Variants in RUFY3 observed in about 807,000 individuals in gnomAD.
The protein encoded by RUFY3 is RUN and FYVE domain containing 3, also known as protein RUFY3.
Under a neutral mutation model 84.0 loss-of-function variants are expected in RUFY3, and 34 were observed. The observed-to-expected ratio is 0.40, with a 90% CI of 0.31 to 0.54. The LOEUF (loss-of-function observed/expected upper bound fraction) is 0.54, where lower values mean the gene tolerates loss of function less well. Among genes scored for constraint, RUFY3 ranks in the 20% least tolerant of loss-of-function variants. The probability of loss-of-function intolerance (pLI) is 0.39; values close to 1 mark genes in which losing one functional copy is unlikely to be tolerated. For missense variants in RUFY3, 507 were observed against 736.8 expected, an observed-to-expected ratio of 0.69 and a Z score of 3.61; for synonymous variants, 242 against 252.9, an observed-to-expected ratio of 0.96 and a Z score of 0.41.
chr4:70,775,946 A>AC (rs1727882338), intron 7 of RUFY3, among the ~76,000 whole-genome samples: 1 of 137,958 alleles, frequency 7.2e-6, no homozygotes, highest in Admixed American at 7.3e-5. Flanking sequence ...GTCTTAAACA[A>AC]AAAAAAAAAA....
intron 1 of RUFY3, among the ~76,000 whole-genome samples, chr4:70,713,208 A>G (rs1741184612): frequency 6.6e-6 from 1 of 152,122 alleles, no homozygotes; most frequent in African/African-American, 2.4e-5. Context: ...ATTTTAGTAG[A>G]GACGGGGTTT....
intron 1 of RUFY3, among the ~76,000 whole-genome samples, chr4:70,710,032 G>A (rs966378336): frequency 5.9e-5 from 9 of 152,210 alleles, no homozygotes; most frequent in Admixed American, 3.3e-4. Flanking sequence ...ACTTAACAGC[G>A]AGTGCCATGA....
Position 70,759,203 on chromosome 4 carries a change from C to G in RUFY3, c.179-3316C>G, listed in dbSNP as rs114295708. On this transcript the variant is annotated intron_variant, in intron 1 of 17. Coordinates refer to ENST00000381006, the MANE Select transcript of RUFY3 (RefSeq NM_001037442.4). The stretch of plus-strand genomic sequence containing the variant: ...CTAATAATCACAATTCTACTCTCTA[C>G]TTCTATGAGCTCAACTTTTTTAGCT... Among the ~76,000 whole-genome samples, 599 of 152,274 alleles carry G rather than the reference C, an allele frequency of 3.9e-3. 4 individuals carry two copies. The highest frequency in any genetic ancestry group is 0.014 in the African/African-American group (570 of 41,544).
intron 12 of RUFY3, chr4:70,791,202 A>C: frequency 1.3e-6 from 2 of 1,600,000 alleles, no homozygotes; most frequent in South Asian, 2.2e-5. Flanking sequence ...CTTTCACTTC[A>C]TTGTCATTTT....
intron 1 of RUFY3, among the ~76,000 whole-genome samples, chr4:70,750,750 T>G (rs186599221): frequency 0.012 from 1,633 of 137,432 alleles, 26 homozygotes; most frequent in African/African-American, 0.046. Context: ...GTCTCTGCAG[T>G]TTTTTTTTGA....
At chr4:70,778,207 T>C (rs1728285733) in intron 7 of RUFY3, among the ~76,000 whole-genome samples, 162 bp from the exon 8 acceptor site, 1 of 151,914 alleles carries the variant, frequency 6.6e-6, no homozygotes, top group Non-Finnish European at 1.5e-5. Flanking sequence ...TGCACTCCAG[T>C]CTCAGCGACA....
intron 14 of RUFY3, among the ~76,000 whole-genome samples, chr4:70,796,725 C>T (rs999835034): frequency 6.6e-6 from 1 of 152,182 alleles, no homozygotes; most frequent in Non-Finnish European, 1.5e-5. Flanking sequence ...TCATCTTCAA[C>T]ATCATCTGGC....
intron 1 of RUFY3, among the ~76,000 whole-genome samples, chr4:70,748,445 T>C (rs1416895988): frequency 6.6e-6 from 1 of 152,224 alleles, no homozygotes; most frequent in Non-Finnish European, 1.5e-5. Context: ...TTACTTTTGG[T>C]GTTATCTCAT....
rs576858649 is a variant in RUFY3, at chr4:70,793,623, T to C, written c.1338-162T>C. On this transcript the variant is annotated intron_variant, in intron 12 of 17. Coordinates refer to ENST00000381006, the MANE Select transcript of RUFY3 (RefSeq NM_001037442.4). Reference sequence around the variant, plus strand: ...TAGAATTTGTTTCTTCTCCATCTTTTCCCCCCCATAATTTCTTCACCTGTG... The same window carrying C: ...TAGAATTTGTTTCTTCTCCATCTTTCCCCCCCCATAATTTCTTCACCTGTG... 6.9e-5 allele frequency: 102 copies of C among 1,485,772 alleles called. No homozygotes were observed. The African/African-American group carries it at 7.4e-4, about 11-fold the overall frequency. 92.0% of individuals were successfully genotyped at this position (1,485,772 alleles called of 1,614,324 possible).
intron 7 of RUFY3, among the ~76,000 whole-genome samples, chr4:70,777,202 C>T (rs1728112011): frequency 6.6e-6 from 1 of 152,140 alleles, no homozygotes; most frequent in African/African-American, 2.4e-5. Context: ...TATTTTTGAA[C>T]CACAGTTGAG....
At chr4:70,724,840 C>T (rs1248168416) in intron 1 of RUFY3, among the ~76,000 whole-genome samples, 1 of 152,154 alleles carries the variant, frequency 6.6e-6, no homozygotes, top group African/African-American at 2.4e-5. Context: ...CCAAGAAATA[C>T]CCACTTTTAT....
intron 15 of RUFY3, 37 bp from the exon 16 acceptor site, chr4:70,802,919 T>A (rs1418015874): frequency 6.6e-7 from 1 of 1,516,226 alleles, no homozygotes. Flanking sequence ...ATACATGAAG[T>A]TCCTATTTGT....
At chr4:70,762,840 G>C (rs1725258728) in intron 2 of RUFY3, 148 bp downstream of exon 2, 2 of 698,290 alleles carry the variant, frequency 2.9e-6, no homozygotes, top group East Asian at 5.5e-5. Flanking sequence ...TATAGGAGCA[G>C]GGTTATGGTT....
At chr4:70,778,666 G>T (rs552107703) in intron 8 of RUFY3, among the ~76,000 whole-genome samples, 4 of 140,702 alleles carry the variant, frequency 2.8e-5, no homozygotes, top group Non-Finnish European at 6.0e-5. Flanking sequence ...CGCAACCTCC[G>T]TCTCCCAAGT....
At chr4:70,762,845 A>T (rs1011621889) in intron 2 of RUFY3, among the ~76,000 whole-genome samples, 153 bp downstream of exon 2, 3 of 152,218 alleles carry the variant, frequency 2.0e-5, no homozygotes, top group Admixed American at 6.5e-5. Flanking sequence ...GAGCAGGGTT[A>T]TGGTTGACTC....
intron 1 of RUFY3, among the ~76,000 whole-genome samples, chr4:70,737,811 T>C (rs1560471363): frequency 6.6e-6 from 1 of 151,210 alleles, no homozygotes; most frequent in South Asian, 2.1e-4. Context: ...GTAGCTGGGA[T>C]TGCAGGCACA....
rs1345022385 is a variant in RUFY3, at chr4:70,722,526, T to TGA, written c.-46_-45dup. On this transcript the variant is annotated 5_prime_UTR_variant, in exon 1 of 18. Transcript: ENST00000381006. ...TATTTATTTTTTTGGTGTGTGTGTG[T>TGA]GAGTGTGTGTGTGTCTGTGTGTGTG... The TGA allele has an allele frequency of 1.9e-6, 3 of 1,565,016 alleles. No homozygotes were observed. Among genetic ancestry groups the TGA allele is most frequent in the Non-Finnish European group, 2.6e-6 (3 of 1,151,202 alleles).
At chr4:70,764,366 G>C (rs1212511054) in intron 3 of RUFY3, 109 bp from the exon 4 acceptor site, 1 of 751,458 alleles carries the variant, frequency 1.3e-6, no homozygotes, top group African/African-American at 1.7e-5. Context: ...GCACCTCAGT[G>C]TGCTTGTTAC....
At chr4:70,746,042 AAC>A (rs1722153305) in intron 1 of RUFY3, among the ~76,000 whole-genome samples, 1 of 151,686 alleles carries the variant, frequency 6.6e-6, no homozygotes, top group South Asian at 2.1e-4. Context: ...TCCCTCTCAA[AAC>A]ACAACAACAA....
Sources: allele counts gnomAD v4.1 joint callset (sites outside exome capture counted in the v4.1 genomes callset), GRCh38; gene constraint gnomAD v4.1.1; transcripts MANE v1.5; gene names NCBI Gene and HGNC (gene_info 2026-07-23, HGNC 2026-07-21).